The following KAZN variants were observed in gnomAD, a reference collection of about 807,000 sequenced individuals.
KAZN encodes the protein kazrin, periplakin interacting protein, also known as kazrin.
KAZN carries 40 observed loss-of-function variants against 87.4 expected under a neutral mutation model. That is an observed-to-expected ratio of 0.46 (90% CI 0.36 to 0.60). The LOEUF is 0.60. KAZN is among the 20% of genes least tolerant of loss of function. The probability of loss-of-function intolerance (pLI) is 0.00; values close to 1 mark genes in which losing one functional copy is unlikely to be tolerated. For missense variants in KAZN, 898 were observed against 1,073.9 expected, an observed-to-expected ratio of 0.84 and a Z score of 2.29; for synonymous variants, 466 against 458.3, an observed-to-expected ratio of 1.02 and a Z score of -0.22.
chr1:14,681,734 T>C (rs1640669218), intron 1 of KAZN, among the ~76,000 whole-genome samples: 1 of 126,754 alleles, frequency 7.9e-6, no homozygotes, highest in Non-Finnish European at 1.6e-5. Flanking sequence ...TGGAGTGCAG[T>C]GGCGCAATCT....
intron 1 of KAZN, among the ~76,000 whole-genome samples, chr1:14,768,787 G>C (rs966157595): frequency 6.6e-6 from 1 of 152,200 alleles, no homozygotes; most frequent in Non-Finnish European, 1.5e-5. Context: ...GAGAGAACTT[G>C]CCTCATCCAA....
Position 13,984,909 on chromosome 1 carries a change from A to AT in KAZN, c.91+91162dup, listed in dbSNP as rs1010362446. ...AACTGTCACCACAATCAATTTTAGG[A>AT]TTTTTTTTTCAAATAGAATGAAGTT... On this transcript the variant is annotated intron_variant, in intron 1 of 16. Coordinates refer to the KAZN transcript ENST00000636203. 4.8e-4 allele frequency among the ~76,000 whole-genome samples: 73 copies of AT among 151,790 alleles called. 1 individual carries two copies. The highest frequency in any genetic ancestry group is 4.2e-4 in the South Asian group (2 of 4,802).
At chr1:14,811,925 G>C (rs804138) in intron 1 of KAZN, among the ~76,000 whole-genome samples, 1 of 152,160 alleles carries the variant, frequency 6.6e-6, no homozygotes, top group African/African-American at 2.4e-5. Context: ...CCTGAGAAGG[G>C]CAAGGTCTTC....
At chr1:14,195,633 ATAGT>A (rs148090050) in intron 2 of KAZN, among the ~76,000 whole-genome samples, 2,452 of 152,314 alleles carry the variant, frequency 0.016, 45 homozygotes, top group African/African-American at 0.048. Flanking sequence ...ATCTGAGAAA[ATAGT>A]TAGCAGATAA....
At chr1:14,123,970 C>T (rs546969301) in intron 1 of KAZN, among the ~76,000 whole-genome samples, 3 of 152,292 alleles carry the variant, frequency 2.0e-5, no homozygotes, top group Non-Finnish European at 2.9e-5. Flanking sequence ...GCTGGCCCCT[C>T]GGAGGCTCCT....
chr1:15,016,708 C>T (rs1474220377), intron 2 of KAZN, among the ~76,000 whole-genome samples: 2 of 152,186 alleles, frequency 1.3e-5, no homozygotes, highest in African/African-American at 2.4e-5. Flanking sequence ...CACAAGGCCC[C>T]TCCCTGGCCT....
At chr1:14,623,757 T>C (rs910428388) in intron 1 of KAZN, among the ~76,000 whole-genome samples, 1 of 152,232 alleles carries the variant, frequency 6.6e-6, no homozygotes, top group Admixed American at 6.5e-5. Context: ...TTTTCATCTT[T>C]TTTTTTCTCT....
chr1:14,470,523 A>C (rs574996188), intron 2 of KAZN, among the ~76,000 whole-genome samples: 1 of 152,340 alleles, frequency 6.6e-6, no homozygotes, highest in African/African-American at 2.4e-5. Flanking sequence ...AAAATGTTGC[A>C]CTAAGTGAAG....
At chr1:14,146,238 T>A (rs1645345806) in intron 1 of KAZN, among the ~76,000 whole-genome samples, 1 of 151,782 alleles carries the variant, frequency 6.6e-6, no homozygotes, top group South Asian at 2.1e-4. Context: ...AAATAACTTT[T>A]AATGAAAGAT....
chr1:14,666,969 C>T (rs1055229341), intron 1 of KAZN, among the ~76,000 whole-genome samples: 8 of 152,142 alleles, frequency 5.3e-5, no homozygotes, highest in Admixed American at 4.6e-4. Context: ...CTCTTGACGT[C>T]GTGATCCGCC....
intron 1 of KAZN, among the ~76,000 whole-genome samples, chr1:14,163,903 G>A (rs138559280): frequency 0.014 from 2,155 of 152,232 alleles, 18 homozygotes; most frequent in Non-Finnish European, 0.024. Context: ...CATTTTCCTC[G>A]GTTTTCCTTA....
At chr1:14,592,154 C>T (rs1275317430) in intron 2 of KAZN, among the ~76,000 whole-genome samples, 2 of 152,098 alleles carry the variant, frequency 1.3e-5, no homozygotes, top group Non-Finnish European at 2.9e-5. Flanking sequence ...TGTAAATGTA[C>T]AAGAAATTCA....
chr1:15,105,668 C>A (rs528675656), intron 13 of KAZN, among the ~76,000 whole-genome samples: 1 of 152,058 alleles, frequency 6.6e-6, no homozygotes, highest in African/African-American at 2.4e-5. Context: ...ACCCCTAAAC[C>A]ACATGGATCC....
At chr1:15,079,579 G>A (rs1282742148) in intron 8 of KAZN, among the ~76,000 whole-genome samples, 2 of 152,256 alleles carry the variant, frequency 1.3e-5, no homozygotes, top group East Asian at 3.9e-4. Flanking sequence ...TCCAAGAGCT[G>A]TACAGATGCA....
chr1:14,137,701 C>CT (rs35819477), intron 1 of KAZN, among the ~76,000 whole-genome samples: 3,276 of 64,922 alleles, frequency 0.05, 141 homozygotes, highest in South Asian at 0.06. Flanking sequence ...AAATATAAGG[C>CT]TTTTTTTTTT....
intron 1 of KAZN, among the ~76,000 whole-genome samples, chr1:14,816,105 G>T (rs1646555591): frequency 6.6e-6 from 1 of 152,120 alleles, no homozygotes; most frequent in Non-Finnish European, 1.5e-5. Context: ...AGGGTAGGAT[G>T]GCTTAAGTCT....
intron 1 of KAZN, among the ~76,000 whole-genome samples, chr1:14,709,322 C>T (rs1376908550): frequency 6.6e-6 from 1 of 152,148 alleles, no homozygotes; most frequent in Non-Finnish European, 1.5e-5. Context: ...CGTGTCTTCC[C>T]TATCCAAAGG....
intron 8 of KAZN, among the ~76,000 whole-genome samples, chr1:15,079,003 G>A (rs749970622): frequency 1.5e-4 from 23 of 152,190 alleles, no homozygotes; most frequent in African/African-American, 2.9e-4. Context: ...AGAAACTCCC[G>A]GGAGGCAGTT....
chr1:15,015,626 C>T (rs1433510295), intron 2 of KAZN, among the ~76,000 whole-genome samples: 1 of 152,098 alleles, frequency 6.6e-6, no homozygotes, highest in Non-Finnish European at 1.5e-5. Flanking sequence ...TCCAGTGGGA[C>T]CTTCTAAGGA....
Sources: gnomAD v4.1 joint callset for allele counts (sites outside exome capture counted in the v4.1 genomes callset) on GRCh38, gnomAD v4.1.1 for gene constraint, MANE v1.5 for transcripts, NCBI Gene and HGNC (gene_info 2026-07-23, HGNC 2026-07-21) for gene names.